KCNN3: variants seen among roughly 807,000 people sequenced by gnomAD.
KCNN3 encodes the protein small conductance calcium-activated potassium channel protein 3.
In KCNN3, 16 loss-of-function variants were observed where a neutral mutation model predicts 62.9. The ratio of observed to expected loss-of-function variants is 0.25; its 90% CI spans 0.17 to 0.39. The LOEUF (loss-of-function observed/expected upper bound fraction) is 0.39, where lower values mean the gene tolerates loss of function less well. KCNN3 is among the 10% of genes least tolerant of loss of function. The pLI is 1.00. For missense variants in KCNN3, 599 were observed against 949.4 expected (o/e 0.63, Z 4.85); for synonymous variants, 370 against 389.2 (o/e 0.95, Z 0.58).
At chr1:154,815,007 G>A (rs1373745175) in intron 2 of KCNN3, among the ~76,000 whole-genome samples, 1 of 152,214 alleles carries the variant, frequency 6.6e-6, no homozygotes, top group Non-Finnish European at 1.5e-5. Context: ...CCTGGCAGAG[G>A]AGGCCCCCAT....
At chr1:154,865,913 G>T (rs1289428847) in intron 1 of KCNN3, among the ~76,000 whole-genome samples, 1 of 152,146 alleles carries the variant, frequency 6.6e-6, no homozygotes, top group Non-Finnish European at 1.5e-5. Context: ...TACCTAATCT[G>T]CCTGGTACCC....
In KCNN3 at chr1:154,799,123, G is replaced by A. The variant is rs150062448; in HGVS notation, c.1029+22966C>T. On this transcript the variant is annotated intron_variant, in intron 2 of 7. Coordinates refer to ENST00000271915, the MANE Select transcript of KCNN3 (RefSeq NM_002249.6). ...GTAGAGATGGGGTTTCACCATGTTGGCCAGGCTGGTCTCGAACTCCTGACT... is the reference window on the plus strand; with the variant it reads ...GTAGAGATGGGGTTTCACCATGTTGACCAGGCTGGTCTCGAACTCCTGACT... Among the ~76,000 whole-genome samples the A allele has an allele frequency of 5.9e-3, 894 of 152,046 alleles. 11 individuals carry two copies. The highest frequency in any genetic ancestry group is 7.2e-3 in the Non-Finnish European group (489 of 67,986).
At chr1:154,714,344 T>G (rs1700170056) in intron 6 of KCNN3, among the ~76,000 whole-genome samples, 1 of 125,640 alleles carries the variant, frequency 8.0e-6, no homozygotes, top group African/African-American at 3.2e-5. Flanking sequence ...TGTTTGTGTG[T>G]GGTGTGTATG....
chr1:154,720,049 G>A (rs1238396869), intron 5 of KCNN3, among the ~76,000 whole-genome samples: 3 of 152,214 alleles, frequency 2.0e-5, no homozygotes, highest in African/African-American at 7.2e-5. Flanking sequence ...GTGATACTCA[G>A]TTAGGGTGGA....
At chr1:154,750,916 G>A (rs1184610344) in intron 3 of KCNN3, among the ~76,000 whole-genome samples, 1 of 152,228 alleles carries the variant, frequency 6.6e-6, no homozygotes, top group Non-Finnish European at 1.5e-5. Context: ...GTGGCTGAAG[G>A]CCTGGGCAGC....
intron 1 of KCNN3, among the ~76,000 whole-genome samples, chr1:154,863,659 T>C (rs1307645864): frequency 2.6e-5 from 4 of 151,866 alleles, no homozygotes. Flanking sequence ...TTCTTTACCT[T>C]ATATTTTTTT....
chr1:154,755,142 A>G (rs945230289), intron 3 of KCNN3, among the ~76,000 whole-genome samples: 5 of 152,186 alleles, frequency 3.3e-5, no homozygotes, highest in Non-Finnish European at 5.9e-5. Flanking sequence ...TAATATTTTT[A>G]GAAGCAACCA....
intron 1 of KCNN3, among the ~76,000 whole-genome samples, chr1:154,835,553 C>G (rs1037872431): frequency 9.2e-5 from 14 of 152,126 alleles, no homozygotes; most frequent in Non-Finnish European, 1.6e-4. Flanking sequence ...TGTCACAGTG[C>G]CTGGATTAAT....
chr1:154,859,888 C>G (rs778691700), intron 1 of KCNN3: 4 of 1,479,380 alleles, frequency 2.7e-6, no homozygotes, highest in Non-Finnish European at 3.6e-6. Flanking sequence ...AGAAAAATGC[C>G]CAACAAGCTG....
At position 154,827,157 on chromosome 1, in the gene KCNN3, T is replaced by C. The variant is rs200588815; in HGVS notation, c.934-4973A>G. ...ATAATTGATTTAGAAATCTTTTCTA[T>C]CTAATAAGGTCAACTTTTCCTTCAA... On this transcript the variant is annotated intron_variant, in intron 1 of 7. Coordinates refer to ENST00000271915, the MANE Select transcript of KCNN3 (RefSeq NM_002249.6). Among the ~76,000 whole-genome samples the C allele has an allele frequency of 2.6e-5, 4 of 152,258 alleles. No homozygotes were observed. In the East Asian group the frequency reaches 7.7e-4, roughly 29 times the overall value.
chr1:154,858,108 A>C (rs1652610156), intron 1 of KCNN3, among the ~76,000 whole-genome samples: 2 of 152,154 alleles, frequency 1.3e-5, no homozygotes, highest in Non-Finnish European at 2.9e-5. Context: ...GCACCCCGTC[A>C]GGTGTCTTCT....
intron 1 of KCNN3, among the ~76,000 whole-genome samples, chr1:154,855,979 C>T (rs1652506486): frequency 1.3e-5 from 2 of 152,166 alleles, no homozygotes; most frequent in South Asian, 2.1e-4. Flanking sequence ...GTGGTGCCTC[C>T]TCCCGCTGCC....
Position 154,699,363 on chromosome 1 carries a change from T to C in KCNN3, c.*8613A>G, listed in dbSNP as rs1279901369. 1.3e-5 allele frequency: 2 copies of C among 152,310 alleles called. No homozygotes were observed. Among genetic ancestry groups the C allele is most frequent in the African/African-American group, 2.4e-5 (1 of 41,576 alleles). The allele number at this position is 152,310 out of a possible 1,614,324, so 9.4% of individuals were successfully genotyped here. On this transcript the variant is annotated 3_prime_UTR_variant, in exon 8 of 8. Transcript: ENST00000271915. ...AATATGATATATTATGAAGCATTTATATATGTATGTATATATTATATATGA... is the reference window on the plus strand; with the variant it reads ...AATATGATATATTATGAAGCATTTACATATGTATGTATATATTATATATGA...
intron 3 of KCNN3, among the ~76,000 whole-genome samples, chr1:154,748,265 C>T (rs914685779): frequency 2.0e-5 from 3 of 152,012 alleles, no homozygotes; most frequent in Non-Finnish European, 4.4e-5. Context: ...GAGCTCCACC[C>T]GCCCGGGGCC....
intron 3 of KCNN3, among the ~76,000 whole-genome samples, chr1:154,748,041 C>T (rs1700977691): frequency 6.6e-6 from 1 of 152,222 alleles, no homozygotes; most frequent in African/African-American, 2.4e-5. Context: ...CCCCCAGCAC[C>T]AGCCTCCATT....
chr1:154,739,438 C>T (rs920711744), intron 3 of KCNN3, among the ~76,000 whole-genome samples: 2 of 152,084 alleles, frequency 1.3e-5, no homozygotes, highest in African/African-American at 2.4e-5. Context: ...ATCATTTCCT[C>T]GTTTTTCTTC....
At chr1:154,840,854 G>A (rs1651793636) in intron 1 of KCNN3, among the ~76,000 whole-genome samples, 1 of 152,152 alleles carries the variant, frequency 6.6e-6, no homozygotes, top group South Asian at 2.1e-4. Context: ...CCACGCCTCT[G>A]CCCCCACCAA....
intron 2 of KCNN3, among the ~76,000 whole-genome samples, chr1:154,817,969 G>A (rs1476656213): frequency 6.6e-6 from 1 of 152,162 alleles, no homozygotes; most frequent in African/African-American, 2.4e-5. Flanking sequence ...TGTAAAACGT[G>A]AGCCTGCAGC....
At chr1:154,746,053 A>G (rs1269924851) in intron 3 of KCNN3, among the ~76,000 whole-genome samples, 1 of 152,192 alleles carries the variant, frequency 6.6e-6, no homozygotes, top group African/African-American at 2.4e-5. Flanking sequence ...AAAACCTTGC[A>G]CGGGACTAGT....
Sources: gnomAD v4.1 joint callset for allele counts (sites outside exome capture counted in the v4.1 genomes callset) on GRCh38, gnomAD v4.1.1 for gene constraint, MANE v1.5 for transcripts, NCBI Gene and HGNC (gene_info 2026-07-23, HGNC 2026-07-21) for gene names.